DAP3: variants seen among roughly 807,000 people sequenced by gnomAD.
DAP3 encodes death associated protein 3.
In DAP3, 28 loss-of-function variants were observed where a neutral mutation model predicts 51.9. The ratio of observed to expected loss-of-function variants is 0.54; its 90% CI spans 0.40 to 0.74. The LOEUF (loss-of-function observed/expected upper bound fraction) is 0.74, where lower values mean the gene tolerates loss of function less well. Among genes scored for constraint, DAP3 ranks in the 30% least tolerant of loss-of-function variants. The pLI is 0.00. For missense variants in DAP3, 458 were observed against 483.5 expected, an observed-to-expected ratio of 0.95 and a Z score of 0.49; for synonymous variants, 170 against 170.3, an observed-to-expected ratio of 1.00 and a Z score of 0.01.
chr1:155,708,293 C>T (rs1656242086), intron 1 of DAP3, among the ~76,000 whole-genome samples: 2 of 152,206 alleles, frequency 1.3e-5, no homozygotes, highest in Admixed American at 1.3e-4. Context: ...AGGTGATCCA[C>T]CTGCCTTGGC....
In DAP3 at chr1:155,725,385, A is replaced by T; in HGVS notation, c.274A>T (p.Lys92Ter). The change falls in exon 5 of 13, where the codon AAG (lysine) becomes TAG (stop). Residue 92 changes from lysine (K) to a stop codon, truncating the protein, a stop_gained. Coordinates refer to ENST00000368336, the MANE Select transcript of DAP3 (RefSeq NM_004632.4). LOFTEE classifies it high-confidence loss of function. ...TCCTTCTTTCCTACTTTATCAGGTG[A>T]AGACATTCAGTGAAGCTTGCCTGAT... is the stretch of plus-strand genomic sequence containing the variant. The part of the protein sequence containing the change: ...GLPPRFVMQV[K>*]TFSEACLMVR... The T allele has an allele frequency of 6.2e-7, 1 of 1,613,920 alleles. No individual in the cohort carries two copies. The highest frequency in any genetic ancestry group is 8.5e-7 in the Non-Finnish European group (1 of 1,179,890).
intron 2 of DAP3, 31 bp downstream of exon 2, chr1:155,709,855 C>T (rs1484570965): frequency 6.2e-7 from 1 of 1,602,388 alleles, no homozygotes; most frequent in Non-Finnish European, 8.5e-7. Flanking sequence ...ACACTCTGTG[C>T]ATACTGCCTT....
chr1:155,731,881 G>A (rs1659273759), intron 10 of DAP3, 63 bp from the exon 11 acceptor site: 3 of 1,479,568 alleles, frequency 2.0e-6, no homozygotes, highest in Non-Finnish European at 1.8e-6. Flanking sequence ...ATCTACAGAT[G>A]ATTAATGCAG....
intron 1 of DAP3, among the ~76,000 whole-genome samples, chr1:155,703,180 T>G (rs766717848): frequency 6.6e-6 from 1 of 152,134 alleles, no homozygotes; most frequent in Non-Finnish European, 1.5e-5. Flanking sequence ...TATTAGTCCA[T>G]TTTCACGCTG....
chr1:155,688,026 A>G (rs755505944), upstream of DAP3: 2 of 1,524,846 alleles, frequency 1.3e-6, no homozygotes, highest in Admixed American at 2.1e-5. Flanking sequence ...TCAATCGCTG[A>G]GAGAGTGCTT....
chr1:155,725,354 A>C, intron 4 of DAP3, 28 bp from the exon 5 acceptor site: 4 of 1,599,514 alleles, frequency 2.5e-6, no homozygotes, highest in Non-Finnish European at 3.4e-6. Context: ...ACACCCACCC[A>C]CTCTTTCCTT....
At chr1:155,709,732 A>G in intron 1 of DAP3, 41 bp from the exon 2 acceptor site, 1 of 1,575,398 alleles carries the variant, frequency 6.3e-7, no homozygotes, top group East Asian at 2.2e-5. Context: ...ATCTTTTCCC[A>G]TTTGTGGTTT....
upstream of DAP3, chr1:155,688,124 G>C: frequency 6.2e-7 from 1 of 1,611,658 alleles, no homozygotes; most frequent in South Asian, 1.1e-5. Flanking sequence ...AGAGGGGGTG[G>C]CCGCCAGGCT....
At chr1:155,717,314 A>G (rs2149165421) in intron 3 of DAP3, among the ~76,000 whole-genome samples, 186 bp downstream of exon 3, 1 of 152,252 alleles carries the variant, frequency 6.6e-6, no homozygotes, top group South Asian at 2.1e-4. Context: ...GGTAACATAC[A>G]CTGGCCAGCT....
upstream of DAP3, chr1:155,688,758 C>G (rs1438694272): frequency 7.2e-6 from 11 of 1,522,792 alleles, no homozygotes; most frequent in South Asian, 1.2e-5. Flanking sequence ...CAGCCGCCGC[C>G]AGCACCCCCA....
rs535790553 is a variant in DAP3 at position 155,708,010 on chromosome 1, C to T, written c.-7-1763C>T. On this transcript the variant is annotated intron_variant, in intron 1 of 12. Coordinates refer to ENST00000368336, the MANE Select transcript of DAP3 (RefSeq NM_004632.4). ...ATTCATACTCTGCTAGTATGAACCT[C>T]CTTATATATATTTCCCAGTGTACAT... is the stretch of plus-strand genomic sequence containing the variant. Among the ~76,000 whole-genome samples the T allele has an allele frequency of 3.8e-4, 58 of 152,142 alleles. No homozygotes were observed. In the South Asian group the frequency reaches 0.012, roughly 31 times the overall value.
chr1:155,688,230 A>G, upstream of DAP3: 1 of 1,612,960 alleles, frequency 6.2e-7, no homozygotes, highest in Non-Finnish European at 8.5e-7. Context: ...AGGAGAAGGG[A>G]AAGGTGGAGG....
chr1:155,692,950 G>A (rs1654039983), intron 1 of DAP3, among the ~76,000 whole-genome samples: 1 of 141,884 alleles, frequency 7.0e-6, no homozygotes, highest in Non-Finnish European at 1.5e-5. Flanking sequence ...TTGAACAGAG[G>A]AGTGTAAAGC....
chr1:155,698,271 G>A (rs348192), intron 1 of DAP3, among the ~76,000 whole-genome samples: 55,881 of 152,042 alleles, frequency 0.37, 12,441 homozygotes, highest in East Asian at 0.69. Context: ...TGATTGGGGA[G>A]GTGATAAATG....
At chr1:155,715,179 G>C (rs1184590035) in intron 2 of DAP3, among the ~76,000 whole-genome samples, 1 of 150,528 alleles carries the variant, frequency 6.6e-6, no homozygotes, top group Non-Finnish European at 1.5e-5. Context: ...CCCCAGCCTG[G>C]GCAACAGAGC....
chr1:155,703,946 G>C (rs149563546), intron 1 of DAP3, among the ~76,000 whole-genome samples: 66 of 152,310 alleles, frequency 4.3e-4, no homozygotes, highest in African/African-American at 1.5e-3. Context: ...CCAGGAGTTA[G>C]AGATCAGCCC....
intron 1 of DAP3, among the ~76,000 whole-genome samples, chr1:155,698,524 T>C (rs764045454): frequency 6.6e-6 from 1 of 152,070 alleles, no homozygotes; most frequent in Non-Finnish European, 1.5e-5. Context: ...AACTCCTCTC[T>C]CTCCTCTGAC....
At chr1:155,722,901 G>GA (rs1658166373) in intron 4 of DAP3, among the ~76,000 whole-genome samples, 1 of 152,188 alleles carries the variant, frequency 6.6e-6, no homozygotes, top group Admixed American at 6.5e-5. Flanking sequence ...TTCAGCTTCA[G>GA]AGCTGTGAGG....
At chr1:155,736,827 G>GA (rs1227303821) in intron 11 of DAP3, 119 bp from the exon 12 acceptor site, 2 of 837,126 alleles carry the variant, frequency 2.4e-6, no homozygotes, top group African/African-American at 1.7e-5. Flanking sequence ...CAGAGAATGA[G>GA]AAGTAGAGTT....
Sources: gnomAD v4.1 joint callset for allele counts (sites outside exome capture counted in the v4.1 genomes callset) on GRCh38, gnomAD v4.1.1 for gene constraint, MANE v1.5 for transcripts, NCBI Gene and HGNC (gene_info 2026-07-23, HGNC 2026-07-21) for gene names.